PHEX: variants seen among roughly 807,000 people sequenced by gnomAD.
PHEX encodes the protein phosphate regulating endopeptidase X-linked, also known as phosphate-regulating neutral endopeptidase PHEX.
PHEX carries 16 observed loss-of-function variants against 68.0 expected under a neutral mutation model. That is an observed-to-expected ratio of 0.24 (90% confidence interval 0.16 to 0.36). The LOEUF (loss-of-function observed/expected upper bound fraction) is 0.36. PHEX is among the 10% of genes least tolerant of loss of function. The pLI, the probability that PHEX is intolerant of heterozygous loss-of-function variation, is 1.00. For synonymous variants in PHEX, 208 were observed against 205.1 expected, an observed-to-expected ratio of 1.01 and a Z score of -0.12; for missense variants, 480 against 575.5, an observed-to-expected ratio of 0.83 and a Z score of 1.70.
At chrX:22,070,526 A>T (rs748283806) in intron 3 of PHEX, among the ~76,000 whole-genome samples, 29 of 111,736 alleles carry the variant, frequency 2.6e-4, no homozygotes, top group Non-Finnish European at 4.7e-4. Context: ...CAAAAATAAA[A>T]ATAAAACAAT....
intron 5 of PHEX, among the ~76,000 whole-genome samples, chrX:22,083,601 G>T (rs2075993462): frequency 9.0e-6 from 1 of 111,355 alleles, no homozygotes; most frequent in Non-Finnish European, 1.9e-5. Context: ...TTGATTCCTA[G>T]GTGTTTTATA....
At chrX:22,200,229 T>C (rs1362489182) in intron 15 of PHEX, among the ~76,000 whole-genome samples, 2 of 112,489 alleles carry the variant, frequency 1.8e-5, no homozygotes, top group African/African-American at 6.5e-5. Flanking sequence ...ATTGCAGAGC[T>C]GGGAGTATAA....
At chrX:22,247,782 A>T in intron 21 of PHEX, 69 bp from the exon 22 acceptor site, 2 of 750,550 alleles carry the variant, frequency 2.7e-6, no homozygotes, top group Non-Finnish European at 4.2e-6. Context: ...ATATTCTGCT[A>T]CAGTTTTATA....
At chrX:22,111,426 G>T in intron 9 of PHEX, 41 bp from the exon 10 acceptor site, 1 of 1,023,567 alleles carries the variant, frequency 9.8e-7, no homozygotes, top group African/African-American at 1.8e-5. Flanking sequence ...ATCAGATATT[G>T]ACCTAAAATA....
In PHEX at chrX:22,038,078, C is replaced by G. The variant is rs750524981; in HGVS notation, c.119-391C>G. On this transcript the variant is annotated intron_variant, in intron 1 of 21. Transcript: ENST00000379374. ...ATATTTGAGCATGTATCGGAATCAC[C>G]TGGGGGGCTTGTTAAACCGCAGATG... 2.3e-4 allele frequency among the ~76,000 whole-genome samples: 25 copies of G among 110,900 alleles called. No homozygotes were observed. In the South Asian group the frequency reaches 7.7e-3, roughly 34 times the overall value.
At chrX:22,123,515 T>C (rs933537894) in intron 11 of PHEX, among the ~76,000 whole-genome samples, 11 of 111,815 alleles carry the variant, frequency 9.8e-5, no homozygotes, top group African/African-American at 3.6e-4. Flanking sequence ...ATTGCTAATA[T>C]TGCCATGCCT....
At chrX:22,218,954 G>T (rs1318942256) in intron 16 of PHEX, 82 bp from the exon 17 acceptor site, 1 of 668,005 alleles carries the variant, frequency 1.5e-6, no homozygotes, top group Non-Finnish European at 2.5e-6. Context: ...AGTTTATCTT[G>T]GCTTTCCATT....
At chrX:22,125,828 T>C (rs1931694373) in intron 11 of PHEX, among the ~76,000 whole-genome samples, 1 of 112,151 alleles carries the variant, frequency 8.9e-6, no homozygotes, top group Non-Finnish European at 1.9e-5. Context: ...CCATGCATTT[T>C]TTTTTTCCCT....
At chrX:22,185,705 C>G (rs1352807976) in intron 14 of PHEX, among the ~76,000 whole-genome samples, 2 of 108,089 alleles carry the variant, frequency 1.9e-5, no homozygotes, top group African/African-American at 6.9e-5. Flanking sequence ...TTATTTTTCT[C>G]TCTCATGGTT....
intron 12 of PHEX, among the ~76,000 whole-genome samples, chrX:22,165,234 T>C (rs1454917386): frequency 9.0e-6 from 1 of 111,627 alleles, no homozygotes; most frequent in Non-Finnish European, 1.9e-5. Context: ...CTAGGTCTTA[T>C]GTTGGGTCAT....
chrX:22,131,421 A>T (rs978429998), intron 11 of PHEX, among the ~76,000 whole-genome samples: 1 of 112,568 alleles, frequency 8.9e-6, no homozygotes, highest in African/African-American at 3.2e-5. Flanking sequence ...TTTTTAAAGG[A>T]CCTTTTGCTC....
rs770065098 is a variant in PHEX, at chrX:22,090,578, T to A, written c.732+81T>A. On this transcript the variant is annotated intron_variant, in intron 6 of 21. Coordinates refer to ENST00000379374, the MANE Select transcript of PHEX (RefSeq NM_000444.6). ...AGTTCTAAGGCCGCTGCTTCTTTAT[T>A]GGAAATGAGCAGTGTGGCTATTCAA... is the stretch of plus-strand genomic sequence containing the variant. 2.7e-4 allele frequency: 178 copies of A among 657,998 alleles called. 1 individual carries two copies. The South Asian group carries it at 3.8e-3, about 14-fold the overall frequency. The allele number at this position is 657,998 out of a possible 1,213,427, so 54.2% of individuals were successfully genotyped here.
intron 15 of PHEX, among the ~76,000 whole-genome samples, chrX:22,206,753 T>C (rs1934724726): frequency 9.0e-6 from 1 of 111,195 alleles, no homozygotes; most frequent in Non-Finnish European, 1.9e-5. Context: ...TTCTATACAG[T>C]GTGAATTTGC....
intron 14 of PHEX, among the ~76,000 whole-genome samples, chrX:22,188,598 T>C (rs1327158164): frequency 8.9e-6 from 1 of 112,145 alleles, no homozygotes; most frequent in Non-Finnish European, 1.9e-5. Flanking sequence ...CTGTTTTTTG[T>C]TTTTGTTTTT....
intron 14 of PHEX, among the ~76,000 whole-genome samples, chrX:22,188,035 A>G (rs1236767960): frequency 1.3e-4 from 14 of 111,807 alleles, no homozygotes; most frequent in Admixed American, 1.2e-3. Flanking sequence ...TAAGTGCTCA[A>G]TGAATGTTAG....
At chrX:22,244,993 A>G (rs1009592262) in intron 20 of PHEX, among the ~76,000 whole-genome samples, 16 of 111,961 alleles carry the variant, frequency 1.4e-4, no homozygotes, top group African/African-American at 5.2e-4. Context: ...TTGAATGAGT[A>G]TGGTTAAATT....
intron 2 of PHEX, among the ~76,000 whole-genome samples, chrX:22,045,060 T>G (rs945579353): frequency 3.7e-5 from 4 of 108,786 alleles, no homozygotes; most frequent in Admixed American, 3.0e-4. Flanking sequence ...TGGGGGAGGT[T>G]TGAAAATGGT....
chrX:22,170,060 T>C (rs766105418), intron 13 of PHEX, among the ~76,000 whole-genome samples: 1 of 112,217 alleles, frequency 8.9e-6, no homozygotes, highest in Non-Finnish European at 1.9e-5. Context: ...TTAATAGAAA[T>C]AGACTCAAGC....
At chrX:22,054,647 C>T (rs1318640622) in intron 3 of PHEX, among the ~76,000 whole-genome samples, 2 of 111,439 alleles carry the variant, frequency 1.8e-5, no homozygotes, top group Admixed American at 9.6e-5. Flanking sequence ...CTCTTTTTCA[C>T]GTGGCCACAT....
Sources: gnomAD v4.1 joint callset for allele counts (sites outside exome capture counted in the v4.1 genomes callset) on GRCh38, gnomAD v4.1.1 for gene constraint, MANE v1.5 for transcripts, NCBI Gene and HGNC (gene_info 2026-07-23, HGNC 2026-07-21) for gene names.